Variants in NUP107 observed in about 807,000 individuals in gnomAD.
The protein encoded by NUP107 is nucleoporin 107.
Under a neutral mutation model 141.0 loss-of-function variants are expected in NUP107, and 101 were observed. The ratio of observed to expected loss-of-function variants is 0.72; its 90% CI spans 0.61 to 0.84. The LOEUF is 0.84. Ranked by LOEUF, NUP107 falls within the 40% of genes least tolerant of loss-of-function variation. The pLI is 0.00. For synonymous variants in NUP107, 319 were observed against 363.9 expected (o/e 0.88, Z 1.41); for missense variants, 941 against 1,102.7 (o/e 0.85, Z 2.08).
rs544733912 is a variant in NUP107 at position 68,738,268 on chromosome 12, C to G, written c.2502+2924C>G. Among the ~76,000 whole-genome samples the G allele has an allele frequency of 4.6e-5, 7 of 151,446 alleles. No individual in the cohort carries two copies. In the South Asian group the frequency reaches 1.5e-3, roughly 32 times the overall value. ...TCCAGCCTGGCAACAGAGCGAGACT[C>G]TGTCTCAAAAATAAAAATAAAAATA... On this transcript the variant is annotated intron_variant, in intron 26 of 27. Transcript: ENST00000229179.
intron 17 of NUP107, among the ~76,000 whole-genome samples, chr12:68,723,497 G>T (rs1187195617): frequency 6.6e-6 from 1 of 152,198 alleles, no homozygotes; most frequent in African/African-American, 2.4e-5. Context: ...TTGGGAGGCT[G>T]AGGCAGGAGA....
chr12:68,726,000 CTAATT>C (rs1877549218), intron 18 of NUP107, among the ~76,000 whole-genome samples: 3 of 151,518 alleles, frequency 2.0e-5, no homozygotes. Flanking sequence ...CTACGCCTGG[CTAATT>C]TTTGTATTTT....
chr12:68,722,519 C>A (rs1877397916), intron 17 of NUP107, among the ~76,000 whole-genome samples: 1 of 151,898 alleles, frequency 6.6e-6, no homozygotes, highest in Non-Finnish European at 1.5e-5. Context: ...GTACTTGTAA[C>A]AATAAAATAA....
At chr12:68,740,652 TC>T (rs1358871052) in intron 26 of NUP107, among the ~76,000 whole-genome samples, 2 of 152,200 alleles carry the variant, frequency 1.3e-5, no homozygotes, top group East Asian at 3.8e-4. Flanking sequence ...ATTAGGCTTT[TC>T]AAAGGAGCAG....
intron 11 of NUP107, 77 bp from the exon 12 acceptor site, chr12:68,715,550 C>A (rs1012139788): frequency 1.3e-6 from 1 of 775,700 alleles, no homozygotes; most frequent in Non-Finnish European, 2.3e-6. Context: ...ATAGGTTTAT[C>A]ATCTCTTGAT....
At chr12:68,732,884 TG>T (rs1343759695) in intron 23 of NUP107, 145 bp downstream of exon 23, 1 of 485,404 alleles carries the variant, frequency 2.1e-6, no homozygotes, top group Non-Finnish European at 3.7e-6. Context: ...GGTCTCACTA[TG>T]TTGCCTAGGC....
intron 5 of NUP107, among the ~76,000 whole-genome samples, chr12:68,694,271 C>G (rs1469351811): frequency 4.6e-5 from 7 of 152,188 alleles, no homozygotes; most frequent in African/African-American, 9.7e-5. Context: ...TTATAACTTT[C>G]TCCACTACTT....
rs374196893 is a variant in NUP107, at chr12:68,731,588, G to T, written c.1886-19G>T. On this transcript the variant is annotated intron_variant, in intron 21 of 27. Coordinates refer to ENST00000229179, the MANE Select transcript of NUP107 (RefSeq NM_020401.4). Reference sequence around the variant, plus strand: ...CAATGATTAATCTTTGTTTTTTGTCGCTTCAAAAAATTATTTAGATTTGGA... The same window carrying T: ...CAATGATTAATCTTTGTTTTTTGTCTCTTCAAAAAATTATTTAGATTTGGA... 1 of 1,427,686 alleles carries T rather than the reference G, an allele frequency of 7.0e-7. No homozygotes were observed. Among genetic ancestry groups the T allele is most frequent in the Non-Finnish European group, 9.5e-7 (1 of 1,057,506 alleles). The allele number at this position is 1,427,686 out of a possible 1,614,324, so 88.4% of individuals were successfully genotyped here. A position where few individuals can be genotyped will look rare whatever the true frequency, so the allele number is the denominator to read the frequency against.
chr12:68,698,218 A>G (rs1876164774), intron 6 of NUP107, among the ~76,000 whole-genome samples: 1 of 152,118 alleles, frequency 6.6e-6, no homozygotes, highest in Admixed American at 6.6e-5. Context: ...GGAGTTCAAG[A>G]CCAGCCTGGG....
At chr12:68,691,351 G>A (rs969484423) in intron 4 of NUP107, among the ~76,000 whole-genome samples, 5 of 152,150 alleles carry the variant, frequency 3.3e-5, no homozygotes, top group Non-Finnish European at 7.3e-5. Context: ...GCATACAAGA[G>A]TAGGAATCAG....
intron 20 of NUP107, among the ~76,000 whole-genome samples, chr12:68,728,109 C>G (rs1877642271): frequency 6.6e-6 from 1 of 151,730 alleles, no homozygotes; most frequent in South Asian, 2.1e-4. Context: ...ATAGGGAGAC[C>G]CTTCTCTCTA....
In NUP107 at chr12:68,691,962, T is replaced by C. The variant is rs1328690133; in HGVS notation, c.304-6T>C. On this transcript the variant is annotated splice_region_variant and splice_polypyrimidine_tract_variant and intron_variant, in intron 4 of 27. Transcript: ENST00000229179. Reference sequence around the variant, plus strand: ...CTGTATTTTTACTTTTTTGTTTTTTTTTAAGGTTACTAATCTGGATGACAG... The same window carrying C: ...CTGTATTTTTACTTTTTTGTTTTTTCTTAAGGTTACTAATCTGGATGACAG... 8 of 1,584,722 alleles carry C rather than the reference T, an allele frequency of 5.0e-6. No homozygotes were observed. The highest frequency in any genetic ancestry group is 6.8e-6 in the Non-Finnish European group (8 of 1,172,160).
intron 20 of NUP107, 110 bp downstream of exon 20, chr12:68,727,499 A>C: frequency 1.6e-6 from 1 of 626,414 alleles, no homozygotes; most frequent in Non-Finnish European, 2.8e-6. Flanking sequence ...AGAATCCATA[A>C]GAGATCTTTT....
intron 20 of NUP107, among the ~76,000 whole-genome samples, chr12:68,728,555 C>T (rs55997580): frequency 2.7e-5 from 4 of 150,144 alleles, no homozygotes; most frequent in African/African-American, 9.8e-5. Flanking sequence ...TCCCGAGTAG[C>T]TGGGATTAAA....
At position 68,732,710 on chromosome 12, in the gene NUP107, A is replaced by G; in HGVS notation, c.2072A>G (p.Gln691Arg). The G allele has an allele frequency of 6.2e-7, 1 of 1,605,292 alleles. No individual in the cohort carries two copies. The highest frequency in any genetic ancestry group is 8.5e-7 in the Non-Finnish European group (1 of 1,173,406). The change falls in exon 23 of 28, where the codon CAA becomes CGA. Residue 691 changes from glutamine (Q) to arginine (R), a missense_variant. Gln to Arg is a conservative substitution (Grantham distance 43). Transcript: ENST00000229179. ...GCGCAGAGGGCAGAAGCACTGAAAC[A>G]AGGCAATGCAATTATGAGAAAATTC... ...DPAQRAEALK[Q>R]GNAIMRKFLA...
chr12:68,690,890 C>T (rs1875752367), intron 4 of NUP107, 144 bp downstream of exon 4: 7 of 712,646 alleles, frequency 9.8e-6, no homozygotes, highest in Non-Finnish European at 1.4e-5. Flanking sequence ...GACTAGCCTG[C>T]TTAGCATGAT....
At chr12:68,706,223 A>T in intron 8 of NUP107, 1 of 768,166 alleles carries the variant, frequency 1.3e-6, no homozygotes. Context: ...TGTCCTCATC[A>T]AGAAGGATAT....
intron 8 of NUP107, chr12:68,706,003 A>C (rs1360303203): frequency 4.5e-6 from 4 of 885,022 alleles, no homozygotes; most frequent in Admixed American, 1.7e-5. Flanking sequence ...GACCAAGTGG[A>C]GGCCCCTGCA....
Position 68,700,410 on chromosome 12 carries a change from A to G in NUP107, c.553-316A>G, listed in dbSNP as rs187105020. ...CTTATGTTATGATTTTTCCAGGTAT[A>G]GGTTTGATTTAACTTATCCTCTGGG... On this transcript the variant is annotated intron_variant, in intron 6 of 27. Transcript: ENST00000229179. 3.3e-3 allele frequency among the ~76,000 whole-genome samples: 497 copies of G among 152,322 alleles called. 4 individuals are homozygous for G. The highest frequency in any genetic ancestry group is 0.011 in the African/African-American group (473 of 41,578).
Sources: allele counts gnomAD v4.1 joint callset (sites outside exome capture counted in the v4.1 genomes callset), GRCh38; gene constraint gnomAD v4.1.1; transcripts MANE v1.5; gene names NCBI Gene and HGNC (gene_info 2026-07-23, HGNC 2026-07-21).